S100PBP: variants seen among roughly 807,000 people sequenced by gnomAD.
S100PBP encodes S100P binding protein.
Under a neutral mutation model 39.9 loss-of-function variants are expected in S100PBP, and 15 were observed. The observed-to-expected ratio is 0.38, with a 90% CI of 0.25 to 0.58. S100PBP has a LOEUF of 0.58. S100PBP is among the 20% of genes least tolerant of loss of function. The pLI is 0.70. For synonymous variants in S100PBP, 178 were observed against 180.3 expected, an observed-to-expected ratio of 0.99 and a Z score of 0.10; for missense variants, 504 against 487.3, an observed-to-expected ratio of 1.03 and a Z score of -0.32.
intron 5 of S100PBP, among the ~76,000 whole-genome samples, chr1:32,832,985 GT>G (rs34030024): frequency 6.7e-5 from 10 of 148,258 alleles, no homozygotes; most frequent in Non-Finnish European, 1.0e-4. Flanking sequence ...TGCCCCATGG[GT>G]TTTTTTTTTA....
intron 5 of S100PBP, chr1:32,836,451 G>T (rs868758076): frequency 5.1e-6 from 4 of 778,052 alleles, no homozygotes; most frequent in African/African-American, 3.8e-5. Flanking sequence ...GTTTTTGTTT[G>T]TTTTTTTTTA....
At chr1:32,848,638 AG>A (rs1640483766) in intron 5 of S100PBP, among the ~76,000 whole-genome samples, 1 of 152,198 alleles carries the variant, frequency 6.6e-6, no homozygotes, top group African/African-American at 2.4e-5. Flanking sequence ...GGTGGTAAAA[AG>A]TATTATGTCC....
At chr1:32,817,481 C>T, upstream of S100PBP, 1 of 611,756 alleles carries the variant, frequency 1.6e-6, no homozygotes, top group Non-Finnish European at 2.9e-6. Flanking sequence ...GCACGGTGGG[C>T]GGTGCGGAGG....
At chr1:32,822,654 A>G (rs1188053964) in intron 1 of S100PBP, among the ~76,000 whole-genome samples, 1 of 151,508 alleles carries the variant, frequency 6.6e-6, no homozygotes, top group Non-Finnish European at 1.5e-5. Context: ...AAGTAACATC[A>G]GACATCAGAA....
At chr1:32,847,070 G>A (rs1186625225) in intron 5 of S100PBP, among the ~76,000 whole-genome samples, 1 of 152,130 alleles carries the variant, frequency 6.6e-6, no homozygotes, top group Non-Finnish European at 1.5e-5. Context: ...ATGAGCCACC[G>A]TGCCTGGCCG....
At chr1:32,847,500 T>A (rs762609420) in intron 5 of S100PBP, 5 of 139,924 alleles carry the variant, frequency 3.6e-5, no homozygotes, top group Non-Finnish European at 7.5e-5. Flanking sequence ...AGTGGAAATA[T>A]CTGCTTTGAT....
rs866060195 is a variant in S100PBP at position 32,842,223 on chromosome 1, A to G, written c.1025-10856A>G. Among the ~76,000 whole-genome samples the G allele has an allele frequency of 6.6e-3, 445 of 67,066 alleles. 2 individuals carry two copies. Among genetic ancestry groups the G allele is most frequent in the Middle Eastern group, 0.029 (4 of 136 alleles). The allele number at this position is 67,066 out of a possible 152,430, so 44.0% of individuals were successfully genotyped here. On this transcript the variant is annotated intron_variant, in intron 5 of 6. Coordinates refer to ENST00000373475, the MANE Select transcript of S100PBP (RefSeq NM_022753.4). ...AAAAAACATATATATATATATATGT[A>G]TATATATATATATACACACACACAC...
chr1:32,833,804 A>G (rs1203805309), intron 5 of S100PBP, among the ~76,000 whole-genome samples: 1 of 152,238 alleles, frequency 6.6e-6, no homozygotes, highest in Non-Finnish European at 1.5e-5. Context: ...GGTAGAATAT[A>G]TACAGGGAAA....
At chr1:32,851,160 A>G (rs1314621958) in intron 5 of S100PBP, among the ~76,000 whole-genome samples, 3 of 152,194 alleles carry the variant, frequency 2.0e-5, no homozygotes, top group Non-Finnish European at 4.4e-5. Context: ...ACTCCAAAGT[A>G]TACAGTATAC....
chr1:32,834,058 C>A, intron 5 of S100PBP: 2 of 336,236 alleles, frequency 5.9e-6, no homozygotes, highest in Non-Finnish European at 6.2e-6. Context: ...AGTGGAATTG[C>A]TGGGTAAAGT....
intron 5 of S100PBP, among the ~76,000 whole-genome samples, chr1:32,851,490 A>T (rs1354164686): frequency 1.3e-5 from 2 of 152,018 alleles, no homozygotes; most frequent in Non-Finnish European, 2.9e-5. Flanking sequence ...ACATGGTGAA[A>T]CCCTGTCTCT....
chr1:32,830,115 T>C (rs1366986449), intron 5 of S100PBP, 48 bp downstream of exon 5: 3 of 1,190,158 alleles, frequency 2.5e-6, no homozygotes, highest in Non-Finnish European at 3.7e-6. Context: ...GATGTGACTT[T>C]CTCTTTCCGG....
At chr1:32,825,653 C>T (rs1347357465) in intron 2 of S100PBP, among the ~76,000 whole-genome samples, 2 of 152,134 alleles carry the variant, frequency 1.3e-5, no homozygotes, top group Non-Finnish European at 2.9e-5. Flanking sequence ...CACAAACATA[C>T]CATGATTTAC....
intron 5 of S100PBP, among the ~76,000 whole-genome samples, chr1:32,843,977 G>A (rs186898659): frequency 1.7e-4 from 26 of 151,672 alleles, no homozygotes; most frequent in African/African-American, 6.3e-4. Flanking sequence ...GCAGTGGCTC[G>A]ATCTCAGCTC....
rs370223401 is a variant in S100PBP at position 32,829,978 on chromosome 1, C to A, written c.935C>A (p.Thr312Lys). The A allele has an allele frequency of 6.2e-7, 1 of 1,613,432 alleles. No homozygotes were observed. Among genetic ancestry groups the A allele is most frequent in the Non-Finnish European group, 8.5e-7 (1 of 1,179,498 alleles). The stretch of plus-strand genomic sequence containing the variant: ...CTTTATTCAAGGACTAATGTTCCGA[C>A]GTTTTCACAGTCAAATCTAGAACAG... ...LQTKTRTNVP[T>K]FSQSNLEQQK... Residue 312 changes from threonine to lysine, a missense_variant, in exon 5 of 7, where the codon ACG becomes AAG. Coordinates refer to ENST00000373475, the MANE Select transcript of S100PBP (RefSeq NM_022753.4).
chr1:32,822,473 CGTG>C (rs1212677767), intron 1 of S100PBP, among the ~76,000 whole-genome samples: 2 of 151,644 alleles, frequency 1.3e-5, no homozygotes, highest in African/African-American at 4.8e-5. Flanking sequence ...ATTAGCCAGG[CGTG>C]GTGGCGGGCG....
Position 32,844,497 on chromosome 1 carries a change from G to C in S100PBP, c.1025-8582G>C, listed in dbSNP as rs572018703. ...CCTGTTTTGTTACTAATTTTTATGA[G>C]ATGGGGTCTGGTTCTGTCCCCCAGG... On this transcript the variant is annotated intron_variant, in intron 5 of 6. Transcript: ENST00000373475. Among the ~76,000 whole-genome samples the C allele has an allele frequency of 2.6e-5, 4 of 152,244 alleles. No homozygotes were observed. The South Asian group carries it at 8.3e-4, about 32-fold the overall frequency.
rs772976128 is a variant in S100PBP at position 32,826,350 on chromosome 1, G to T, written c.251G>T (p.Gly84Val). ...GATGATGGTGGGCATGTTGAGAAGG[G>T]AGAAAGAGGGAGTCAAATTCTACTT... Reference protein sequence around the residue: ...GEDDGGHVEKGERGSQILLDT... With the variant: ...GEDDGGHVEKVERGSQILLDT... The change falls in exon 3 of 7, where the codon GGA (glycine) becomes GTA (valine). Residue 84 changes from glycine (G) to valine (V), a missense_variant. Coordinates refer to ENST00000373475, the MANE Select transcript of S100PBP (RefSeq NM_022753.4). 1.1e-5 allele frequency: 17 copies of T among 1,614,142 alleles called. No individual in the cohort carries two copies. Among genetic ancestry groups the T allele is most frequent in the Non-Finnish European group, 1.4e-5 (16 of 1,180,014 alleles).
At chr1:32,829,697 A>G (rs1002835295) in intron 4 of S100PBP, among the ~76,000 whole-genome samples, 10 of 152,186 alleles carry the variant, frequency 6.6e-5, no homozygotes. Flanking sequence ...AGCCTCAAGC[A>G]GTCCTCCTGC....
Sources: allele counts gnomAD v4.1 joint callset (sites outside exome capture counted in the v4.1 genomes callset), GRCh38; gene constraint gnomAD v4.1.1; transcripts MANE v1.5; gene names NCBI Gene and HGNC (gene_info 2026-07-23, HGNC 2026-07-21).